The following NOSTRIN variants were observed in gnomAD, a reference collection of about 807,000 sequenced individuals.
The protein encoded by NOSTRIN is nitric oxide synthase trafficking.
In NOSTRIN, 63 loss-of-function variants were observed where a neutral mutation model predicts 59.0. The ratio of observed to expected loss-of-function variants is 1.07; its 90% CI spans 0.87 to 1.32. The LOEUF is 1.32. NOSTRIN is among the 40% of genes most tolerant of loss of function. The pLI is 0.00. For synonymous variants in NOSTRIN, 200 were observed against 165.4 expected (o/e 1.21, Z -1.61); for missense variants, 512 against 473.1 (o/e 1.08, Z -0.76).
chr2:168,824,761 A>ATTTCTTT, intron 3 of NOSTRIN, 44 bp downstream of exon 3: 1 of 478,536 alleles, frequency 2.1e-6, no homozygotes, highest in South Asian at 3.0e-5. Context: ...CCCTTTTTTT[A>ATTTCTTT]TTTGTTTTTT....
At chr2:168,823,397 T>G (rs1686869119) in intron 2 of NOSTRIN, among the ~76,000 whole-genome samples, 1 of 152,196 alleles carries the variant, frequency 6.6e-6, no homozygotes, top group African/African-American at 2.4e-5. Context: ...TGTCTCACAG[T>G]TCTGCAGGCT....
chr2:168,811,790 G>T, intron 2 of NOSTRIN, 138 bp downstream of exon 2: 1 of 491,052 alleles, frequency 2.0e-6, no homozygotes. Context: ...TGCTTGAAGA[G>T]TGATTCTCCC....
chr2:168,825,122 C>T (rs1026871465), intron 3 of NOSTRIN, among the ~76,000 whole-genome samples: 17 of 152,212 alleles, frequency 1.1e-4, no homozygotes, highest in Admixed American at 7.9e-4. Flanking sequence ...CTAAACATGG[C>T]AAGTACATAA....
intron 5 of NOSTRIN, among the ~76,000 whole-genome samples, chr2:168,829,343 G>A (rs573304269): frequency 1.1e-4 from 15 of 141,400 alleles, no homozygotes; most frequent in South Asian, 2.2e-4. Context: ...TTTTTTTGAC[G>A]GAGTTTTGCT....
chr2:168,859,689 A>T, intron 13 of NOSTRIN, 52 bp downstream of exon 13: 3 of 1,582,850 alleles, frequency 1.9e-6, no homozygotes, highest in Non-Finnish European at 2.6e-6. Flanking sequence ...TGCTGGGTGG[A>T]GTGGCTTAAA....
At chr2:168,827,762 G>T (rs1000857171) in intron 3 of NOSTRIN, among the ~76,000 whole-genome samples, 19 of 151,718 alleles carry the variant, frequency 1.3e-4, no homozygotes, top group African/African-American at 4.4e-4. Context: ...TAGAGAAAAG[G>T]TCTCGCTGTG....
At chr2:168,835,218 G>A (rs938702716) in intron 7 of NOSTRIN, among the ~76,000 whole-genome samples, 2 of 152,016 alleles carry the variant, frequency 1.3e-5, no homozygotes, top group Admixed American at 6.6e-5. Flanking sequence ...GGGACTACAG[G>A]TGTGCACCAC....
chr2:168,844,249 A>G (rs1450408077), intron 8 of NOSTRIN, among the ~76,000 whole-genome samples: 1 of 152,204 alleles, frequency 6.6e-6, no homozygotes, highest in Non-Finnish European at 1.5e-5. Context: ...ACTGCCAGAA[A>G]CAGCCACGCA....
intron 7 of NOSTRIN, among the ~76,000 whole-genome samples, chr2:168,839,884 C>CAAAAAAAAAAAA (rs58341006): frequency 1.5e-3 from 47 of 31,134 alleles, no homozygotes; most frequent in African/African-American, 4.3e-3. Context: ...GACTCCGTCT[C>CAAAAAAAAAAAA]AAAAAAAAAA....
chr2:168,802,403 G>A, upstream of NOSTRIN: 1 of 481,166 alleles, frequency 2.1e-6, no homozygotes. Flanking sequence ...TGCCCTCTGA[G>A]GGTTTACAGA....
At chr2:168,837,712 C>T (rs1230944030) in intron 7 of NOSTRIN, among the ~76,000 whole-genome samples, 1 of 152,168 alleles carries the variant, frequency 6.6e-6, no homozygotes, top group African/African-American at 2.4e-5. Context: ...CATCTTTCCA[C>T]TAAGAGTGTT....
Position 168,865,057 on chromosome 2 carries a change from A to T in NOSTRIN, c.*87A>T. The T allele has an allele frequency of 6.9e-7, 1 of 1,441,064 alleles. No homozygotes were observed. Among genetic ancestry groups the T allele is most frequent in the Non-Finnish European group, 9.5e-7 (1 of 1,057,820 alleles). The allele number at this position is 1,441,064 out of a possible 1,614,324, so 89.3% of individuals were successfully genotyped here. On this transcript the variant is annotated 3_prime_UTR_variant, in exon 16 of 16. Transcript: ENST00000317647. ...AAGAATAAAGTGCTCTTACCTTTAC[A>T]TGTTTTTCTTTTGAAATGGATGGAG...
At chr2:168,843,204 G>T in intron 8 of NOSTRIN, 87 bp downstream of exon 8, 1 of 757,810 alleles carries the variant, frequency 1.3e-6, no homozygotes, top group Admixed American at 2.2e-5. Flanking sequence ...GACAAGACCT[G>T]CCCTCTGTCT....
intron 8 of NOSTRIN, chr2:168,850,847 C>T: frequency 1.3e-6 from 1 of 794,886 alleles, no homozygotes; most frequent in Non-Finnish European, 2.1e-6. Flanking sequence ...TAACCCACAG[C>T]ATCTGCCTAT....
At chr2:168,837,270 T>G (rs537607648) in intron 7 of NOSTRIN, among the ~76,000 whole-genome samples, 1 of 147,870 alleles carries the variant, frequency 6.8e-6, no homozygotes, top group South Asian at 2.1e-4. Context: ...ACAATACATC[T>G]TTTTTTTTTA....
At chr2:168,845,421 A>C (rs1688354373) in intron 8 of NOSTRIN, among the ~76,000 whole-genome samples, 1 of 152,186 alleles carries the variant, frequency 6.6e-6, no homozygotes, top group South Asian at 2.1e-4. Context: ...CTCTATCCTC[A>C]TCACCCTTCT....
At chr2:168,835,465 TCACA>T (rs1412948060) in intron 7 of NOSTRIN, among the ~76,000 whole-genome samples, 5 of 152,188 alleles carry the variant, frequency 3.3e-5, no homozygotes, top group African/African-American at 1.2e-4. Context: ...AGTAACAAAC[TCACA>T]ACCAGGAGAG....
chr2:168,856,837 T>A, intron 12 of NOSTRIN, 59 bp downstream of exon 12: 1 of 1,509,358 alleles, frequency 6.6e-7, no homozygotes, highest in South Asian at 1.1e-5. Context: ...ATTTTTAGAA[T>A]ACTTGTTTCT....
intron 8 of NOSTRIN, among the ~76,000 whole-genome samples, chr2:168,846,133 G>A (rs1459281640): frequency 6.6e-6 from 1 of 152,052 alleles, no homozygotes; most frequent in Non-Finnish European, 1.5e-5. Context: ...TATACCAGAA[G>A]GTCATTGACT....
Sources: allele counts gnomAD v4.1 joint callset (sites outside exome capture counted in the v4.1 genomes callset), GRCh38; gene constraint gnomAD v4.1.1; transcripts MANE v1.5; gene names NCBI Gene and HGNC (gene_info 2026-07-23, HGNC 2026-07-21).